The following WDR49 variants were observed in gnomAD, a reference collection of about 807,000 sequenced individuals.
WDR49 encodes the protein WD repeat domain 49, also known as cilia- and flagella-associated protein 337.
A neutral mutation model predicts 119.5 loss-of-function variants in WDR49; 107 were observed. The ratio of observed to expected loss-of-function variants is 0.90; its 90% confidence interval spans 0.77 to 1.05. WDR49 has a LOEUF of 1.05. Ranked by LOEUF, WDR49 falls within the 50% of genes least tolerant of loss-of-function variation. The pLI, the probability that WDR49 is intolerant of heterozygous loss-of-function variation, is 0.00. For missense variants in WDR49, 1,240 were observed against 1,220.5 expected, an observed-to-expected ratio of 1.02 and a Z score of -0.24; for synonymous variants, 425 against 418.8, an observed-to-expected ratio of 1.01 and a Z score of -0.18.
intron 2 of WDR49, among the ~76,000 whole-genome samples, chr3:167,641,566 T>A (rs1335154274): frequency 2.6e-5 from 4 of 151,978 alleles, no homozygotes; most frequent in Admixed American, 2.0e-4. Context: ...TCTAGACCTC[T>A]CTTCTGAGCA....
intron 18 of WDR49, among the ~76,000 whole-genome samples, chr3:167,495,036 T>C (rs961458518): frequency 5.3e-5 from 8 of 152,254 alleles, no homozygotes; most frequent in Admixed American, 2.0e-4. Flanking sequence ...GAGTGAACCA[T>C]TGCTGACAGA....
At chr3:167,494,681 T>C (rs948787972) in intron 18 of WDR49, among the ~76,000 whole-genome samples, 2 of 152,132 alleles carry the variant, frequency 1.3e-5, no homozygotes, top group Admixed American at 1.3e-4. Context: ...GACTCTCTCA[T>C]GGGAAAGTAA....
At chr3:167,479,136 T>C (rs1056825653) in intron 18 of WDR49, 140 bp from the exon 19 acceptor site, 4 of 643,342 alleles carry the variant, frequency 6.2e-6, no homozygotes, top group Non-Finnish European at 1.0e-5. Flanking sequence ...TTTGGAAAAA[T>C]TTTCTCTAAG....
At chr3:167,514,881 A>G (rs144756986) in intron 16 of WDR49, among the ~76,000 whole-genome samples, 1 of 152,312 alleles carries the variant, frequency 6.6e-6, no homozygotes, top group East Asian at 1.9e-4. Flanking sequence ...TAAGAAATCT[A>G]GAAGAAATGG....
At chr3:167,641,594 A>G (rs921464365) in intron 2 of WDR49, among the ~76,000 whole-genome samples, 27 of 151,898 alleles carry the variant, frequency 1.8e-4, no homozygotes, top group Non-Finnish European at 1.2e-4. Context: ...TTTATATCCT[A>G]TTTCTCTTCT....
chr3:167,484,283 C>G (rs1428870749), intron 18 of WDR49, among the ~76,000 whole-genome samples: 3 of 152,006 alleles, frequency 2.0e-5, no homozygotes, highest in Non-Finnish European at 4.4e-5. Flanking sequence ...GGCCTTAACA[C>G]TGGGGCCTGT....
chr3:167,617,153 G>A (rs1716635517), intron 5 of WDR49, among the ~76,000 whole-genome samples: 1 of 152,182 alleles, frequency 6.6e-6, no homozygotes, highest in East Asian at 1.9e-4. Context: ...GACAGAGGAA[G>A]AGGCAAAATA....
rs1033938235 is a variant in WDR49 at position 167,602,036 on chromosome 3, C to T, written c.1275+91G>A. 18 of 1,417,372 alleles carry T rather than the reference C, an allele frequency of 1.3e-5. No homozygotes were observed. In the African/African-American group the frequency reaches 1.8e-4, roughly 15 times the overall value. The allele number at this position is 1,417,372 out of a possible 1,614,324, so 87.8% of individuals were successfully genotyped here. On this transcript the variant is annotated intron_variant, in intron 7 of 18. Coordinates refer to ENST00000682715, the MANE Select transcript of WDR49 (RefSeq NM_001366157.1). ...AGCCAGTATATTTTAAAAACTGACACGATCTCTCAGAGAAATTCAGATCCC... is the reference window on the plus strand; with the variant it reads ...AGCCAGTATATTTTAAAAACTGACATGATCTCTCAGAGAAATTCAGATCCC...
At chr3:167,648,717 T>C (rs975699426) in intron 2 of WDR49, among the ~76,000 whole-genome samples, 5 of 152,300 alleles carry the variant, frequency 3.3e-5, no homozygotes, top group Admixed American at 6.5e-5. Flanking sequence ...GGATGTGAGC[T>C]GGACCACAGA....
chr3:167,527,877 T>G lies in WDR49; in HGVS notation c.2547A>C (p.Ala849=). The G allele has an allele frequency of 6.2e-7, 1 of 1,613,186 alleles. No homozygotes were observed. ...CACCAGTCACACAAATACTGCAGTCTGCAGAGGAGGAGATAATCAGTAACT... is the reference window on the plus strand; with the variant it reads ...CACCAGTCACACAAATACTGCAGTCGGCAGAGGAGGAGATAATCAGTAACT... ...GGQLLIISSS[A]DCSICVTGVC... Residue 849 remains alanine (A), a synonymous_variant, in exon 15 of 19, where the codon GCA becomes GCC. Coordinates refer to ENST00000682715, the MANE Select transcript of WDR49 (RefSeq NM_001366157.1).
intron 5 of WDR49, among the ~76,000 whole-genome samples, chr3:167,605,097 T>C (rs992924498): frequency 2.3e-5 from 3 of 129,756 alleles, no homozygotes; most frequent in Non-Finnish European, 4.7e-5. Flanking sequence ...AATATGTGTA[T>C]ATATATACAC....
At chr3:167,621,337 T>C (rs1487836616) in intron 4 of WDR49, 130 bp downstream of exon 4, 6 of 938,272 alleles carry the variant, frequency 6.4e-6, no homozygotes, top group Non-Finnish European at 8.9e-6. Flanking sequence ...ATCTCTTCCA[T>C]GTCCAATGTG....
At chr3:167,500,678 A>G (rs553348658) in intron 17 of WDR49, among the ~76,000 whole-genome samples, 129 of 152,194 alleles carry the variant, frequency 8.5e-4, no homozygotes, top group Non-Finnish European at 1.6e-3. Context: ...GTTTAACAAC[A>G]CATCTAAAAT....
chr3:167,570,154 T>C (rs1713848709), intron 8 of WDR49, among the ~76,000 whole-genome samples: 1 of 152,040 alleles, frequency 6.6e-6, no homozygotes, highest in Admixed American at 6.6e-5. Context: ...GGATGTCACT[T>C]GGTGCCCAGC....
At chr3:167,520,572 A>G (rs2108230294) in intron 16 of WDR49, among the ~76,000 whole-genome samples, 1 of 152,290 alleles carries the variant, frequency 6.6e-6, no homozygotes, top group Non-Finnish European at 1.5e-5. Flanking sequence ...GCCACTTGAC[A>G]TTTCTGCAAG....
At chr3:167,603,253 T>G (rs999205505) in intron 6 of WDR49, among the ~76,000 whole-genome samples, 2 of 152,162 alleles carry the variant, frequency 1.3e-5, no homozygotes, top group Non-Finnish European at 2.9e-5. Flanking sequence ...CTGAACTTAA[T>G]CATCCTTATT....
chr3:167,515,017 G>A (rs897205213), intron 16 of WDR49, among the ~76,000 whole-genome samples: 2 of 151,990 alleles, frequency 1.3e-5, no homozygotes, highest in Non-Finnish European at 2.9e-5. Context: ...AAAAGCCAAG[G>A]ACCAGAGTGA....
chr3:167,505,456 A>C (rs1253565902), intron 16 of WDR49, 40 bp from the exon 17 acceptor site: 1 of 1,471,952 alleles, frequency 6.8e-7, no homozygotes, highest in Non-Finnish European at 8.9e-7. Flanking sequence ...ATTATTAACC[A>C]CAGGGATGGA....
intron 8 of WDR49, chr3:167,575,356 C>G: frequency 1.1e-6 from 1 of 937,818 alleles, no homozygotes; most frequent in Non-Finnish European, 1.3e-6. Flanking sequence ...GGTAGTGGTC[C>G]CCTAAGCCAA....
Sources: allele counts gnomAD v4.1 joint callset (sites outside exome capture counted in the v4.1 genomes callset), GRCh38; gene constraint gnomAD v4.1.1; transcripts MANE v1.5; gene names NCBI Gene and HGNC (gene_info 2026-07-23, HGNC 2026-07-21).